Variants in MKLN1 observed in about 807,000 individuals in gnomAD.
MKLN1 encodes muskelin.
Under a neutral mutation model 99.0 loss-of-function variants are expected in MKLN1, and 18 were observed. The ratio of observed to expected loss-of-function variants is 0.18; its 90% CI spans 0.13 to 0.27. The LOEUF is 0.27. MKLN1 is among the 10% of genes least tolerant of loss of function. The pLI, the probability that MKLN1 is intolerant of heterozygous loss-of-function variation, is 1.00. For synonymous variants in MKLN1, 288 were observed against 293.2 expected (o/e 0.98, Z 0.18); for missense variants, 621 against 875.9 (o/e 0.71, Z 3.67).
chr7:131,330,698 G>A (rs1048428248), intron 1 of MKLN1, among the ~76,000 whole-genome samples: 2 of 152,096 alleles, frequency 1.3e-5, no homozygotes, highest in Non-Finnish European at 2.9e-5. Flanking sequence ...TTTTAGTTGT[G>A]TAAAGAAATG....
At chr7:131,217,304 T>G (rs10251585) in intron 3 of MKLN1, among the ~76,000 whole-genome samples, 1 of 152,106 alleles carries the variant, frequency 6.6e-6, no homozygotes, top group Non-Finnish European at 1.5e-5. Context: ...ACTATGTGCT[T>G]ACACAGTACA....
At chr7:131,395,450 T>TTTTTTTTTTATTTTA (rs1794331378) in intron 4 of MKLN1, among the ~76,000 whole-genome samples, 3 of 134,270 alleles carry the variant, frequency 2.2e-5, no homozygotes, top group South Asian at 2.4e-4. Flanking sequence ...GTAAAAATTA[T>TTTTTTTTTTATTTTA]TTTTATTTTA....
intron 12 of MKLN1, among the ~76,000 whole-genome samples, chr7:131,449,364 T>C (rs1331677559): frequency 6.6e-6 from 1 of 152,196 alleles, no homozygotes; most frequent in Non-Finnish European, 1.5e-5. Flanking sequence ...CTGAATAAAA[T>C]AGATTATTCA....
chr7:131,329,665 A>G (rs1386477108), intron 1 of MKLN1, among the ~76,000 whole-genome samples: 4 of 152,206 alleles, frequency 2.6e-5, no homozygotes, highest in Non-Finnish European at 5.9e-5. Context: ...CTTGGATAAC[A>G]CAAGTACCAT....
intron 1 of MKLN1, among the ~76,000 whole-genome samples, chr7:131,121,740 C>T (rs1795376325): frequency 6.7e-6 from 1 of 149,632 alleles, no homozygotes; most frequent in African/African-American, 2.5e-5. Context: ...AGGGGAAGAT[C>T]AAAAGTTCTA....
At chr7:131,167,671 CA>C (rs59503509) in intron 2 of MKLN1, among the ~76,000 whole-genome samples, 4,498 of 115,962 alleles carry the variant, frequency 0.039, 108 homozygotes, top group East Asian at 0.14. Flanking sequence ...GACTCTGTCT[CA>C]AAAAAAAAAA....
At chr7:131,399,156 T>A (rs920454638) in intron 5 of MKLN1, 85 bp from the exon 6 acceptor site, 30 of 1,124,804 alleles carry the variant, frequency 2.7e-5, no homozygotes, top group Middle Eastern at 2.0e-4. Context: ...TCAGTGTAGA[T>A]TAGTTATTTT....
At chr7:131,484,450 ATCTC>A (rs567917627) in intron 17 of MKLN1, among the ~76,000 whole-genome samples, 3 of 152,148 alleles carry the variant, frequency 2.0e-5, no homozygotes, top group African/African-American at 7.2e-5. Context: ...AGATTATTGA[ATCTC>A]TCTAAGTCAT....
intron 3 of MKLN1, among the ~76,000 whole-genome samples, chr7:131,279,455 T>G (rs983077464): frequency 2.6e-5 from 4 of 152,220 alleles, no homozygotes; most frequent in African/African-American, 9.6e-5. Flanking sequence ...TATTTTTATT[T>G]CTTTTACAGC....
At chr7:131,145,145 C>T (rs1231592716) in intron 2 of MKLN1, among the ~76,000 whole-genome samples, 1 of 152,154 alleles carries the variant, frequency 6.6e-6, no homozygotes, top group Non-Finnish European at 1.5e-5. Context: ...AGATGACACA[C>T]ACTAGAAAGA....
intron 2 of MKLN1, among the ~76,000 whole-genome samples, chr7:131,151,137 A>G (rs1274194889): frequency 1.3e-5 from 2 of 152,220 alleles, no homozygotes; most frequent in Non-Finnish European, 2.9e-5. Flanking sequence ...TTTCAGTGAT[A>G]CAAAAAGAGT....
At chr7:131,196,308 C>G (rs1044472014) in intron 2 of MKLN1, among the ~76,000 whole-genome samples, 1 of 152,106 alleles carries the variant, frequency 6.6e-6, no homozygotes, top group African/African-American at 2.4e-5. Flanking sequence ...GAAAATGCAG[C>G]TAGGTATCCA....
chr7:131,334,320 A>T lies in MKLN1; in HGVS notation c.98+6323A>T, dbSNP rs147329169. On this transcript the variant is annotated intron_variant, in intron 1 of 17. Transcript: ENST00000352689. ...TTTCTCCCTTTTCTCCCTATCTTAA[A>T]CTGAGATTTAAGGACACTGGCCCTG... Among the ~76,000 whole-genome samples, 490 of 152,214 alleles carry T rather than the reference A, an allele frequency of 3.2e-3. 2 individuals carry two copies. The highest frequency in any genetic ancestry group is 0.011 in the African/African-American group (466 of 41,540).
intron 1 of MKLN1, among the ~76,000 whole-genome samples, chr7:131,330,945 T>C (rs113656688): frequency 6.6e-6 from 1 of 152,198 alleles, no homozygotes; most frequent in Non-Finnish European, 1.5e-5. Context: ...GTATTTTACT[T>C]TTTTTCTGAA....
chr7:131,278,947 C>T (rs1333828104), intron 3 of MKLN1, among the ~76,000 whole-genome samples: 1 of 152,240 alleles, frequency 6.6e-6, no homozygotes, highest in South Asian at 2.1e-4. Flanking sequence ...TAAACCAATC[C>T]TCTGGACTAA....
rs567291818 is a variant in MKLN1, at chr7:131,187,009, G to A, written c.-296-15848G>A. ...ACATTGTGTGCAGAGTTAGAGAGGCGTGAAATAGCACAATACATTCAGGGA... is the reference window on the plus strand; with the variant it reads ...ACATTGTGTGCAGAGTTAGAGAGGCATGAAATAGCACAATACATTCAGGGA... On this transcript the variant is annotated intron_variant, in intron 2 of 7. Transcript: ENST00000416992. Among the ~76,000 whole-genome samples, 11 of 152,310 alleles carry A rather than the reference G, an allele frequency of 7.2e-5. No individual in the cohort carries two copies. In the East Asian group the frequency reaches 7.7e-4, roughly 11 times the overall value.
chr7:131,129,520 A>G lies in MKLN1; in HGVS notation c.-418-13300A>G, dbSNP rs183420515. Among the ~76,000 whole-genome samples the G allele has an allele frequency of 1.7e-3, 264 of 152,342 alleles. 1 individual carries two copies. The Middle Eastern group carries it at 0.024, about 14-fold the overall frequency. On this transcript the variant is annotated intron_variant, in intron 1 of 7. Coordinates refer to the MKLN1 transcript ENST00000416992. Reference sequence around the variant, plus strand: ...TGTATTCCCATGATGAAATCTATGTATCCAATAAAAAGCAGGTTATGGAAG... The same window carrying G: ...TGTATTCCCATGATGAAATCTATGTGTCCAATAAAAAGCAGGTTATGGAAG...
In MKLN1 at chr7:131,321,290, G is replaced by A. The variant is rs891088375; in HGVS notation, c.-178-54134G>A. Among the ~76,000 whole-genome samples the A allele has an allele frequency of 1.2e-4, 19 of 152,234 alleles. 1 individual carries two copies. The East Asian group carries it at 2.1e-3, about 17-fold the overall frequency. Reference sequence around the variant, plus strand: ...TGTCCTTTCCAGGGACATGGATGACGCTGGAAGCCATCATTCTCAGCAAAT... The same window carrying A: ...TGTCCTTTCCAGGGACATGGATGACACTGGAAGCCATCATTCTCAGCAAAT... On this transcript the variant is annotated intron_variant, in intron 3 of 7. Transcript: ENST00000416992.
At chr7:131,221,975 G>A (rs1435148255) in intron 3 of MKLN1, among the ~76,000 whole-genome samples, 1 of 150,986 alleles carries the variant, frequency 6.6e-6, no homozygotes, top group African/African-American at 2.4e-5. Context: ...GTGTGATCTC[G>A]GCTCACTGCA....
Sources: allele counts gnomAD v4.1 joint callset (sites outside exome capture counted in the v4.1 genomes callset), GRCh38; gene constraint gnomAD v4.1.1; transcripts MANE v1.5; gene names NCBI Gene and HGNC (gene_info 2026-07-23, HGNC 2026-07-21).